The following FUT8 variants were observed in gnomAD, a reference collection of about 807,000 sequenced individuals.
FUT8 encodes fucosyltransferase 8.
FUT8 carries 29 observed loss-of-function variants against 71.3 expected under a neutral mutation model. That is an observed-to-expected ratio of 0.41 (90% CI 0.30 to 0.55). FUT8 has a LOEUF of 0.55. Among genes scored for constraint, FUT8 ranks in the 20% least tolerant of loss-of-function variants. FUT8 has a pLI of 0.34. For missense variants in FUT8, 544 were observed against 702.1 expected (o/e 0.77, Z 2.55); for synonymous variants, 254 against 239.3 (o/e 1.06, Z -0.57).
At chr14:65,464,059 A>G (rs1184174651) in intron 2 of FUT8, among the ~76,000 whole-genome samples, 1 of 152,172 alleles carries the variant, frequency 6.6e-6, no homozygotes, top group African/African-American at 2.4e-5. Flanking sequence ...TTTCTTAAGC[A>G]CCTATACTGG....
At chr14:65,535,787 A>G (rs1490449889) in intron 2 of FUT8, among the ~76,000 whole-genome samples, 1 of 152,130 alleles carries the variant, frequency 6.6e-6, no homozygotes, top group East Asian at 1.9e-4. Context: ...ATAGATGTCC[A>G]TTTGGATCTA....
intron 10 of FUT8, among the ~76,000 whole-genome samples, chr14:65,734,975 C>T (rs1896151531): frequency 6.6e-6 from 1 of 152,130 alleles, no homozygotes; most frequent in Non-Finnish European, 1.5e-5. Context: ...AAAGATGTCT[C>T]CAGACATTGC....
At chr14:65,636,138 T>G (rs1890540020) in intron 6 of FUT8, among the ~76,000 whole-genome samples, 1 of 152,210 alleles carries the variant, frequency 6.6e-6, no homozygotes, top group Non-Finnish European at 1.5e-5. Context: ...AAGGTGCTCA[T>G]AGTAGCCTTG....
the FUT8 span, among the ~76,000 whole-genome samples, chr14:65,394,123 AT>A: frequency 6.6e-6 from 1 of 151,950 alleles, no homozygotes; most frequent in Non-Finnish European, 1.5e-5. Flanking sequence ...TGCCTGGCTA[AT>A]TTTTTTGTAT....
chr14:65,699,698 G>C (rs1216024127), intron 7 of FUT8, among the ~76,000 whole-genome samples: 2 of 152,060 alleles, frequency 1.3e-5, no homozygotes, highest in Non-Finnish European at 2.9e-5. Flanking sequence ...TTCATCTCTT[G>C]GCAATTCCAT....
intron 9 of FUT8, among the ~76,000 whole-genome samples, chr14:65,725,039 G>A (rs1895609205): frequency 6.6e-6 from 1 of 152,088 alleles, no homozygotes; most frequent in African/African-American, 2.4e-5. Context: ...AATAAAACCA[G>A]GTGCTTATCG....
the FUT8 span, among the ~76,000 whole-genome samples, chr14:65,395,742 A>T: frequency 3.7e-3 from 562 of 152,324 alleles, 7 homozygotes; most frequent in African/African-American, 0.013. Context: ...GGAGGCATTA[A>T]CATTTGGCTC....
chr14:65,415,320 C>T (rs936983745), intron 1 of FUT8, among the ~76,000 whole-genome samples: 4 of 152,046 alleles, frequency 2.6e-5, no homozygotes, highest in African/African-American at 9.7e-5. Context: ...TATATATGTA[C>T]ATAGTTATTT....
intron 3 of FUT8, among the ~76,000 whole-genome samples, chr14:65,601,012 A>T (rs77502906): frequency 6.6e-6 from 1 of 152,284 alleles, no homozygotes; most frequent in East Asian, 1.9e-4. Context: ...TTGAGCCAGA[A>T]ACCTTTTTAA....
At position 65,669,581 on chromosome 14, in the gene FUT8, C is replaced by T; in HGVS notation, c.835+101C>T. 2.6e-6 allele frequency: 2 copies of T among 765,944 alleles called. No individual in the cohort carries two copies. The highest frequency in any genetic ancestry group is 1.7e-5 in the South Asian group (1 of 59,380). 47.4% of individuals were successfully genotyped at this position (765,944 alleles called of 1,614,324 possible). A position where few individuals can be genotyped will look rare whatever the true frequency, so the allele number is the denominator to read the frequency against. ...CCTTCATGGAACATACTTATCTTTT[C>T]CTCTGGATCCATGAATACTATACAT... On this transcript the variant is annotated intron_variant, in intron 7 of 10. Transcript: ENST00000673929. This position sits in a 1 kb window ranked among gnomAD's most constrained non-coding sequence, Gnocchi z 4.5.
At chr14:65,687,607 T>C (rs1411013851) in intron 7 of FUT8, among the ~76,000 whole-genome samples, 1 of 152,232 alleles carries the variant, frequency 6.6e-6, no homozygotes, top group Non-Finnish European at 1.5e-5. Flanking sequence ...TGAATGAATA[T>C]ATTTTTAAAT....
At chr14:65,439,993 T>TATATATATATATACAC (rs1555361023) in intron 1 of FUT8, among the ~76,000 whole-genome samples, 1 of 138,164 alleles carries the variant, frequency 7.2e-6, no homozygotes, top group African/African-American at 2.6e-5. Flanking sequence ...TATATATATG[T>TATATATATATATACAC]ACACACACAC....
intron 2 of FUT8, among the ~76,000 whole-genome samples, chr14:65,491,618 A>G (rs1333968260): frequency 6.6e-6 from 1 of 152,196 alleles, no homozygotes; most frequent in East Asian, 1.9e-4. Context: ...ATAAAATCAC[A>G]TAATTTTTAA....
intron 2 of FUT8, among the ~76,000 whole-genome samples, chr14:65,525,048 G>A (rs965661064): frequency 6.6e-6 from 1 of 152,156 alleles, no homozygotes; most frequent in African/African-American, 2.4e-5. Context: ...TCTCTGCCAG[G>A]CTTTGGTATC....
At position 65,603,913 on chromosome 14, in the gene FUT8, A is replaced by G. The variant is rs1888435851; in HGVS notation, c.204-12065A>G. Among the ~76,000 whole-genome samples the G allele has an allele frequency of 6.6e-6, 1 of 151,860 alleles. No individual in the cohort carries two copies. On this transcript the variant is annotated intron_variant, in intron 3 of 10. Coordinates refer to ENST00000673929, the MANE Select transcript of FUT8 (RefSeq NM_001371533.1). The surrounding 1 kb of genome is among the most constrained non-coding windows in gnomAD (Gnocchi z 4.5). ...ACTTAAGGTACAGGGGTGGAAAAAG[A>G]CATTTCATGCAAATGGACACCCAAA...
the FUT8 span, among the ~76,000 whole-genome samples, chr14:65,384,644 A>T: frequency 6.6e-6 from 1 of 152,140 alleles, no homozygotes; most frequent in Non-Finnish European, 1.5e-5. This position sits in a 1 kb window ranked among gnomAD's most constrained non-coding sequence, Gnocchi z 4.2. Context: ...TGTGATTTTG[A>T]ATGAAAGGGA....
At chr14:65,575,250 T>G (rs1311803402) in intron 3 of FUT8, among the ~76,000 whole-genome samples, 2 of 152,048 alleles carry the variant, frequency 1.3e-5, no homozygotes, top group Non-Finnish European at 2.9e-5. Flanking sequence ...CCCTCCTTTC[T>G]TCCTTCCTTT....
intron 7 of FUT8, among the ~76,000 whole-genome samples, chr14:65,693,030 G>T (rs1893770988): frequency 6.6e-6 from 1 of 151,748 alleles, no homozygotes; most frequent in Non-Finnish European, 1.5e-5. Flanking sequence ...AGACTGGGCA[G>T]CCAGGCAGAG....
chr14:65,527,940 G>T (rs1566803911), intron 2 of FUT8, among the ~76,000 whole-genome samples: 1 of 152,188 alleles, frequency 6.6e-6, no homozygotes, highest in Non-Finnish European at 1.5e-5. Context: ...ACGGCCATGT[G>T]AGGTGTCAGT....
Sources: allele counts gnomAD v4.1 joint callset (sites outside exome capture counted in the v4.1 genomes callset), GRCh38; gene constraint gnomAD v4.1.1; non-coding constraint Gnocchi (gnomAD v3.1); transcripts MANE v1.5; gene names NCBI Gene and HGNC (gene_info 2026-07-23, HGNC 2026-07-21).